The following RARB variants were observed in gnomAD, a reference collection of about 807,000 sequenced individuals.
RARB encodes the protein HBV-activated protein.
A neutral mutation model predicts 51.9 loss-of-function variants in RARB; 17 were observed. The observed-to-expected ratio is 0.33, with a 90% CI of 0.22 to 0.49. The LOEUF (loss-of-function observed/expected upper bound fraction) is 0.49, where lower values mean the gene tolerates loss of function less well. Among genes scored for constraint, RARB ranks in the 20% least tolerant of loss-of-function variants. The probability of loss-of-function intolerance (pLI) is 0.99; values close to 1 mark genes in which losing one functional copy is unlikely to be tolerated. For missense variants in RARB, 369 were observed against 550.8 expected (o/e 0.67, Z 3.30); for synonymous variants, 215 against 195.4 (o/e 1.10, Z -0.84).
chr3:25,096,174 A>T (rs1451686021), intron 3 of RARB, among the ~76,000 whole-genome samples: 5 of 152,106 alleles, frequency 3.3e-5, no homozygotes, highest in Non-Finnish European at 4.4e-5. Context: ...CATATTTTTC[A>T]AGTGTCTCCC....
intron 2 of RARB, among the ~76,000 whole-genome samples, chr3:24,970,920 C>G (rs1696383892): frequency 6.6e-6 from 1 of 151,992 alleles, no homozygotes; most frequent in African/African-American, 2.4e-5. Flanking sequence ...ACTATTTTCT[C>G]TAATGAGTCA....
chr3:25,269,101 C>T (rs1160328615), intron 5 of RARB, among the ~76,000 whole-genome samples: 2 of 152,098 alleles, frequency 1.3e-5, no homozygotes, highest in African/African-American at 2.4e-5. Context: ...AATAAACTGT[C>T]AAACCAATAT....
intron 2 of RARB, among the ~76,000 whole-genome samples, chr3:25,478,434 C>T (rs1245760013): frequency 5.9e-5 from 9 of 152,194 alleles, no homozygotes; most frequent in Admixed American, 5.9e-4. Context: ...GAAAAATATG[C>T]ATCTCTGTGC....
chr3:25,434,057 C>T (rs779441274), intron 1 of RARB, among the ~76,000 whole-genome samples: 4 of 152,104 alleles, frequency 2.6e-5, no homozygotes, highest in African/African-American at 4.8e-5. Flanking sequence ...ACTCTCTGCC[C>T]CCTGCGCGAT....
chr3:24,966,329 T>G (rs1363720285), intron 2 of RARB, among the ~76,000 whole-genome samples: 1 of 152,104 alleles, frequency 6.6e-6, no homozygotes, highest in Non-Finnish European at 1.5e-5. Flanking sequence ...AACACCTAAT[T>G]ACTTAAAAGA....
chr3:25,407,685 C>G (rs912934663), intron 5 of RARB, among the ~76,000 whole-genome samples: 1 of 151,954 alleles, frequency 6.6e-6, no homozygotes, highest in African/African-American at 2.4e-5. Flanking sequence ...GAGTCCCATT[C>G]ATATCCTTTT....
chr3:24,905,378 A>C (rs1291247269), intron 2 of RARB, among the ~76,000 whole-genome samples: 1 of 152,190 alleles, frequency 6.6e-6, no homozygotes, highest in African/African-American at 2.4e-5. Flanking sequence ...GCACAAGACA[A>C]AAATACCTCT....
At chr3:25,074,760 G>A (rs1344032472) in intron 3 of RARB, among the ~76,000 whole-genome samples, 4 of 152,140 alleles carry the variant, frequency 2.6e-5, no homozygotes, top group Non-Finnish European at 5.9e-5. Flanking sequence ...AGGAAAATGT[G>A]ATTCCTACCA....
intron 5 of RARB, among the ~76,000 whole-genome samples, chr3:25,297,360 A>C (rs1251351965): frequency 7.2e-6 from 1 of 139,504 alleles, no homozygotes; most frequent in Non-Finnish European, 1.6e-5. Context: ...TTCCCTCCCT[A>C]TTCCTGATGT....
intron 5 of RARB, among the ~76,000 whole-genome samples, chr3:25,414,855 T>C (rs1707657944): frequency 6.6e-6 from 1 of 152,188 alleles, no homozygotes. Context: ...TTGCACAATT[T>C]TTTGAGATGG....
chr3:24,937,085 T>C (rs1450313444), intron 2 of RARB, among the ~76,000 whole-genome samples: 7 of 152,216 alleles, frequency 4.6e-5, no homozygotes, highest in Admixed American at 3.3e-4. Flanking sequence ...TTTTGTGTAA[T>C]TTAAGAATAT....
intron 3 of RARB, among the ~76,000 whole-genome samples, chr3:25,559,155 C>T (rs17016738): frequency 0.25 from 38,620 of 152,052 alleles, 4,989 homozygotes; most frequent in East Asian, 0.37. Flanking sequence ...TTCCAACCCT[C>T]AGGCCTTTGC....
At chr3:24,990,978 T>C (rs1559424967) in intron 2 of RARB, among the ~76,000 whole-genome samples, 1 of 152,258 alleles carries the variant, frequency 6.6e-6, no homozygotes, top group Non-Finnish European at 1.5e-5. Context: ...TTGTTGCTAT[T>C]GTGAATGGAG....
At chr3:25,490,744 C>A (rs1696692206) in intron 2 of RARB, among the ~76,000 whole-genome samples, 1 of 151,950 alleles carries the variant, frequency 6.6e-6, no homozygotes, top group Non-Finnish European at 1.5e-5. Context: ...ACTTAAAATT[C>A]ATTGGCTTCT....
At chr3:25,361,662 T>C (rs777459823) in intron 5 of RARB, among the ~76,000 whole-genome samples, 2 of 152,230 alleles carry the variant, frequency 1.3e-5, no homozygotes, top group African/African-American at 2.4e-5. Flanking sequence ...CAGTGAGTTT[T>C]TGCGTGGTCA....
At chr3:24,973,548 T>C (rs1055201253) in intron 2 of RARB, among the ~76,000 whole-genome samples, 2 of 152,074 alleles carry the variant, frequency 1.3e-5, no homozygotes, top group African/African-American at 4.8e-5. Flanking sequence ...TAGACTGCTT[T>C]GTTTAGTAGT....
chr3:25,092,440 A>G (rs931929571), intron 3 of RARB, among the ~76,000 whole-genome samples: 5 of 152,114 alleles, frequency 3.3e-5, no homozygotes, highest in African/African-American at 4.8e-5. Flanking sequence ...GGGATTCCTC[A>G]AGATTTTAGA....
At chr3:25,444,030 A>G (rs1708821377) in intron 1 of RARB, among the ~76,000 whole-genome samples, 1 of 152,222 alleles carries the variant, frequency 6.6e-6, no homozygotes, top group Non-Finnish European at 1.5e-5. Context: ...CATGATTTAA[A>G]GTTGCGATTG....
chr3:25,494,834 T>C (rs1696943828), intron 2 of RARB, among the ~76,000 whole-genome samples: 1 of 152,194 alleles, frequency 6.6e-6, no homozygotes, highest in African/African-American at 2.4e-5. Flanking sequence ...AGAATGTGTA[T>C]GGGAAATTGT....
Sources: gnomAD v4.1 joint callset for allele counts (sites outside exome capture counted in the v4.1 genomes callset) on GRCh38, gnomAD v4.1.1 for gene constraint, MANE v1.5 for transcripts, NCBI Gene and HGNC (gene_info 2026-07-23, HGNC 2026-07-21) for gene names.